The following PAPOLG variants were observed in gnomAD, a reference collection of about 807,000 sequenced individuals.
The protein encoded by PAPOLG is poly(A) polymerase gamma, also known as PAP-gamma.
PAPOLG carries 40 observed loss-of-function variants against 99.0 expected under a neutral mutation model. The observed-to-expected ratio is 0.40, with a 90% confidence interval of 0.31 to 0.53. PAPOLG has a LOEUF of 0.53. PAPOLG is among the 20% of genes least tolerant of loss of function. The pLI is 0.41. For synonymous variants in PAPOLG, 310 were observed against 299.3 expected (o/e 1.04, Z -0.37); for missense variants, 675 against 884.1 (o/e 0.76, Z 3.00).
chr2:60,782,539 A>G, intron 11 of PAPOLG, 147 bp from the exon 12 acceptor site: 1 of 1,275,558 alleles, frequency 7.8e-7, no homozygotes, highest in Non-Finnish European at 1.0e-6. Context: ...CCTGGGTGAC[A>G]GAGTGAGACT....
At chr2:60,758,807 G>A (rs1466793008) in intron 1 of PAPOLG, among the ~76,000 whole-genome samples, 1 of 152,118 alleles carries the variant, frequency 6.6e-6, no homozygotes, top group Non-Finnish European at 1.5e-5. Flanking sequence ...TGACCAGTTA[G>A]AATCCAAAAA....
intron 10 of PAPOLG, 145 bp from the exon 11 acceptor site, chr2:60,781,740 C>T (rs972957321): frequency 8.0e-6 from 8 of 995,692 alleles, no homozygotes; most frequent in African/African-American, 6.6e-5. Flanking sequence ...GAAATAAATG[C>T]AGTTGGGGAG....
intron 3 of PAPOLG, among the ~76,000 whole-genome samples, chr2:60,763,267 C>T (rs1172031158): frequency 6.6e-6 from 1 of 151,218 alleles, no homozygotes; most frequent in East Asian, 2.0e-4. Context: ...TTTTTGTAGA[C>T]ACAAGAGTAT....
chr2:60,766,404 C>G (rs1333489944), intron 3 of PAPOLG, among the ~76,000 whole-genome samples: 1 of 152,134 alleles, frequency 6.6e-6, no homozygotes, highest in Non-Finnish European at 1.5e-5. Flanking sequence ...TGGCTCATGC[C>G]TGTGATCCCA....
At chr2:60,783,524 T>TTTTTTTTC (rs1671264446) in intron 13 of PAPOLG, among the ~76,000 whole-genome samples, 1 of 138,856 alleles carries the variant, frequency 7.2e-6, no homozygotes, top group African/African-American at 2.7e-5. Flanking sequence ...TTTTTTTTTT[T>TTTTTTTTC]TTTTGAGAAG....
At chr2:60,786,300 A>AG (rs1409702904) in intron 13 of PAPOLG, among the ~76,000 whole-genome samples, 1 of 152,054 alleles carries the variant, frequency 6.6e-6, no homozygotes, top group African/African-American at 2.4e-5. Context: ...GGGTGATCTT[A>AG]GCTCACTGCA....
chr2:60,794,300 G>A, intron 19 of PAPOLG, 109 bp downstream of exon 19: 1 of 1,118,660 alleles, frequency 8.9e-7, no homozygotes, highest in Non-Finnish European at 1.2e-6. Flanking sequence ...TGGCTGAAAA[G>A]AATATTTACC....
At chr2:60,783,403 G>C (rs931654884) in intron 13 of PAPOLG, among the ~76,000 whole-genome samples, 194 bp downstream of exon 13, 1 of 128,224 alleles carries the variant, frequency 7.8e-6, no homozygotes, top group Non-Finnish European at 1.6e-5. Flanking sequence ...GTTTCGCCAC[G>C]TTGGTCAGGC....
At chr2:60,774,458 C>T (rs908428489) in intron 7 of PAPOLG, among the ~76,000 whole-genome samples, 2 of 151,904 alleles carry the variant, frequency 1.3e-5, no homozygotes, top group Admixed American at 6.6e-5. Context: ...CTCCGCCTCC[C>T]GGGTTCAAGC....
chr2:60,760,588 A>C (rs1405572074), intron 2 of PAPOLG, among the ~76,000 whole-genome samples: 1 of 152,208 alleles, frequency 6.6e-6, no homozygotes, highest in Non-Finnish European at 1.5e-5. Context: ...ATTTAAGGGA[A>C]AATTTAAAGA....
At chr2:60,756,960 C>T (rs1215221098) in intron 1 of PAPOLG, among the ~76,000 whole-genome samples, 1 of 151,864 alleles carries the variant, frequency 6.6e-6, no homozygotes, top group African/African-American at 2.4e-5. Context: ...TATGAGGCTA[C>T]AGTCTTTTCA....
rs1671773185 is a variant in PAPOLG, at chr2:60,798,412, G to C, written c.*1252G>C. On this transcript the variant is annotated 3_prime_UTR_variant, in exon 22 of 22. Transcript: ENST00000238714. Reference sequence around the variant, plus strand: ...AAATGAAGTCGTATGTATTTTCAGAGTATTTTTGTATGTACTGTAAGATAC... The same window carrying C: ...AAATGAAGTCGTATGTATTTTCAGACTATTTTTGTATGTACTGTAAGATAC... 1 of 152,662 alleles carries C rather than the reference G, an allele frequency of 6.6e-6. No homozygotes were observed. The highest frequency in any genetic ancestry group is 2.1e-4 in the South Asian group (1 of 4,828). 9.5% of individuals were successfully genotyped at this position (152,662 alleles called of 1,614,324 possible). A position where few individuals can be genotyped will look rare whatever the true frequency, so the allele number is the denominator to read the frequency against.
intron 5 of PAPOLG, 153 bp from the exon 6 acceptor site, chr2:60,770,305 T>C (rs891771505): frequency 4.5e-5 from 10 of 222,372 alleles, no homozygotes; most frequent in African/African-American, 2.3e-4. Context: ...AGTAAAGATA[T>C]TCACATTATT....
chr2:60,795,289 G>C, intron 21 of PAPOLG: 1 of 573,654 alleles, frequency 1.7e-6, no homozygotes, highest in Non-Finnish European at 3.3e-6. Flanking sequence ...TATCTTTAAA[G>C]AAGCAGTTGG....
At chr2:60,765,269 G>C (rs1670640966) in intron 3 of PAPOLG, among the ~76,000 whole-genome samples, 1 of 148,632 alleles carries the variant, frequency 6.7e-6, no homozygotes, top group African/African-American at 2.5e-5. Flanking sequence ...GTAGAGATGG[G>C]GTCTTGCCAT....
At chr2:60,779,594 T>G (rs555327334) in intron 8 of PAPOLG, 43 bp from the exon 9 acceptor site, 1 of 1,566,992 alleles carries the variant, frequency 6.4e-7, no homozygotes, top group South Asian at 1.2e-5. Flanking sequence ...ATGTCACAGA[T>G]AGTAGGTCCT....
intron 8 of PAPOLG, among the ~76,000 whole-genome samples, chr2:60,777,281 C>G (rs1326987917): frequency 6.6e-6 from 1 of 152,036 alleles, no homozygotes; most frequent in Non-Finnish European, 1.5e-5. Context: ...CATAGTGAAA[C>G]CCCCTCTCTA....
chr2:60,785,327 CG>C (rs1207600955), intron 13 of PAPOLG, among the ~76,000 whole-genome samples: 54 of 151,884 alleles, frequency 3.6e-4, no homozygotes, highest in Admixed American at 3.5e-3. Flanking sequence ...TTAGTAGAGA[CG>C]GGGTTTCACC....
chr2:60,783,824 C>T (rs1671276152), intron 13 of PAPOLG, among the ~76,000 whole-genome samples: 1 of 150,006 alleles, frequency 6.7e-6, no homozygotes, highest in African/African-American at 2.5e-5. Context: ...TAAAATATGC[C>T]ATCAAATTAA....
Sources: allele counts gnomAD v4.1 joint callset (sites outside exome capture counted in the v4.1 genomes callset), GRCh38; gene constraint gnomAD v4.1.1; transcripts MANE v1.5; gene names NCBI Gene and HGNC (gene_info 2026-07-23, HGNC 2026-07-21).